TP53AIP1: variants seen among roughly 807,000 people sequenced by gnomAD.
TP53AIP1 encodes the protein tumor protein p53 regulated apoptosis inducing protein 1.
TP53AIP1 carries 14 observed loss-of-function variants against 9.5 expected under a neutral mutation model. The ratio of observed to expected loss-of-function variants is 1.47; its 90% CI spans 0.97 to 2.30. TP53AIP1 has a LOEUF of 2.30. Ranked by LOEUF, TP53AIP1 falls within the 30% of genes most tolerant of loss-of-function variation. The pLI is 0.00. For missense variants in TP53AIP1, 153 were observed against 146.7 expected, an observed-to-expected ratio of 1.04 and a Z score of -0.22; for synonymous variants, 73 against 61.2, an observed-to-expected ratio of 1.19 and a Z score of -0.90.
Position 128,937,535 on chromosome 11 carries a change from G to T in TP53AIP1, c.141+143C>A. The T allele has an allele frequency of 1.2e-5, 19 of 1,613,066 alleles. No homozygotes were observed. The highest frequency in any genetic ancestry group is 1.6e-5 in the Non-Finnish European group (19 of 1,179,496). On this transcript the variant is annotated intron_variant, in intron 2 of 3. Transcript: ENST00000531399. This position sits in a 1 kb window ranked among gnomAD's most constrained non-coding sequence, Gnocchi z 4.8. ...CAATGCTCTGAACTGGGGACAGTCC[G>T]CATGCAGCTCTGAGGACCCAGATGC...
intron 1 of TP53AIP1, 118 bp from the exon 2 acceptor site, chr11:128,938,012 G>T: frequency 1.5e-6 from 1 of 647,918 alleles, no homozygotes; most frequent in Non-Finnish European, 2.6e-6. Flanking sequence ...GGAAGCCGAT[G>T]CACCCAGAGA....
intron 1 of TP53AIP1, among the ~76,000 whole-genome samples, chr11:128,938,728 A>G (rs1211955378): frequency 6.6e-6 from 1 of 152,166 alleles, no homozygotes; most frequent in African/African-American, 2.4e-5. Context: ...CGTCCTTGAC[A>G]GCCTATCCAT....
chr11:128,935,204 C>T (rs1337790893), downstream of TP53AIP1, among the ~76,000 whole-genome samples: 2 of 152,260 alleles, frequency 1.3e-5, no homozygotes, highest in Admixed American at 6.5e-5. Flanking sequence ...CAAACCCGCA[C>T]TTCTCAAACC....
intron 1 of TP53AIP1, among the ~76,000 whole-genome samples, chr11:128,940,833 G>A (rs973466169): frequency 3.9e-5 from 6 of 152,200 alleles, no homozygotes; most frequent in African/African-American, 1.2e-4. Context: ...GCCCAGTCTC[G>A]AGGGGCGTTC....
chr11:128,936,896 A>G, intron 2 of TP53AIP1: 1 of 1,292,006 alleles, frequency 7.7e-7, no homozygotes, highest in African/African-American at 1.5e-5. Context: ...CAGCCCAAAG[A>G]ACAGACATAA....
chr11:128,942,608 G>C (rs1351854277), intron 1 of TP53AIP1, among the ~76,000 whole-genome samples, 186 bp downstream of exon 1: 2 of 152,228 alleles, frequency 1.3e-5, no homozygotes, highest in African/African-American at 4.8e-5. Context: ...TCAGGGTTCA[G>C]AACCATTGAG....
At chr11:128,935,104 A>T, downstream of TP53AIP1, 1 of 709,742 alleles carries the variant, frequency 1.4e-6, no homozygotes, top group Non-Finnish European at 2.6e-6. Flanking sequence ...GGAACGTGTC[A>T]GCAGGAATGA....
In TP53AIP1 at chr11:128,937,280, C is replaced by A; in HGVS notation, c.141+398G>T. ...CCGGGGTGGACGCAGAAGAGCAGGCCCGGAGCCCTGCACCCCAGCCTTCCC... is the reference window on the plus strand; with the variant it reads ...CCGGGGTGGACGCAGAAGAGCAGGCACGGAGCCCTGCACCCCAGCCTTCCC... On this transcript the variant is annotated intron_variant, in intron 2 of 3. Transcript: ENST00000531399. This position sits in a 1 kb window ranked among gnomAD's most constrained non-coding sequence, Gnocchi z 4.8. 7.5e-7 allele frequency: 1 copy of A among 1,336,282 alleles called. No homozygotes were observed. Among genetic ancestry groups the A allele is most frequent in the South Asian group, 2.2e-5 (1 of 46,148 alleles). 82.8% of individuals were successfully genotyped at this position (1,336,282 alleles called of 1,614,324 possible). A position where few individuals can be genotyped will look rare whatever the true frequency, so the allele number is the denominator to read the frequency against.
intron 2 of TP53AIP1, chr11:128,936,973 C>A: frequency 4.5e-6 from 5 of 1,117,936 alleles, no homozygotes; most frequent in Non-Finnish European, 5.5e-6. Flanking sequence ...CTGGGCCCTG[C>A]ACCTCAGACG....
intron 1 of TP53AIP1, among the ~76,000 whole-genome samples, chr11:128,941,395 C>G (rs1047923337): frequency 1.3e-5 from 2 of 152,180 alleles, no homozygotes; most frequent in Non-Finnish European, 2.9e-5. Flanking sequence ...CCTCTGGGCC[C>G]CCACACATCT....
chr11:128,939,157 C>T lies in TP53AIP1; in HGVS notation c.-76-1263G>A, dbSNP rs548378884. 6.6e-5 allele frequency among the ~76,000 whole-genome samples: 10 copies of T among 152,322 alleles called. No individual in the cohort carries two copies. The highest frequency in any genetic ancestry group is 1.4e-4 in the African/African-American group (6 of 41,570). ...TTACGAAAATGTAAAAGAACGAACA[C>T]GGCTTCAATACCAGGATTGAGCCCA... On this transcript the variant is annotated intron_variant, in intron 1 of 3. Coordinates refer to ENST00000531399, the MANE Select transcript of TP53AIP1 (RefSeq NM_022112.3). This position sits in a 1 kb window ranked among gnomAD's most constrained non-coding sequence, Gnocchi z 4.1.
chr11:128,937,402 T>C lies in TP53AIP1; in HGVS notation c.141+276A>G. ...CACCACCTTCCTTCCAAAAGCCTTG[T>C]TTCTCAGAAAACCTTTCTGCCTCCT... On this transcript the variant is annotated intron_variant, in intron 2 of 3. Transcript: ENST00000531399. The surrounding 1 kb of genome is among the most constrained non-coding windows in gnomAD (Gnocchi z 4.8). 7.0e-7 allele frequency: 1 copy of C among 1,435,422 alleles called. No homozygotes were observed. The highest frequency in any genetic ancestry group is 9.1e-7 in the Non-Finnish European group (1 of 1,097,290). The allele number at this position is 1,435,422 out of a possible 1,614,324, so 88.9% of individuals were successfully genotyped here. A position where few individuals can be genotyped will look rare whatever the true frequency, so the allele number is the denominator to read the frequency against.
chr11:128,941,890 G>A (rs1469104526), intron 1 of TP53AIP1, among the ~76,000 whole-genome samples: 1 of 152,240 alleles, frequency 6.6e-6, no homozygotes, highest in Non-Finnish European at 1.5e-5. Flanking sequence ...GCAGATCTGG[G>A]TGGAGGAGGG....
At chr11:128,935,248 G>A, downstream of TP53AIP1, 2 of 1,419,010 alleles carry the variant, frequency 1.4e-6, no homozygotes, top group Admixed American at 2.6e-5. Context: ...GTGCCCTCGG[G>A]CGTGCCATAG....
At chr11:128,940,950 C>G (rs755568328) in intron 1 of TP53AIP1, among the ~76,000 whole-genome samples, 16 of 152,184 alleles carry the variant, frequency 1.1e-4, no homozygotes, top group Middle Eastern at 6.8e-3. Context: ...CACCTCCTAC[C>G]CATCCAGAGA....
chr11:128,936,381 A>G (rs1383631660), intron 3 of TP53AIP1, 157 bp downstream of exon 3: 19 of 1,417,330 alleles, frequency 1.3e-5, no homozygotes, highest in Admixed American at 3.2e-5. Flanking sequence ...AGCAGTTTAC[A>G]ACTCTGCCAT....
Position 128,937,265 on chromosome 11 carries a change from C to T in TP53AIP1, c.141+413G>A, listed in dbSNP as rs950052318. ...GGACAAAAGCAGGATCCGGGGTGGACGCAGAAGAGCAGGCCCGGAGCCCTG... is the reference window on the plus strand; with the variant it reads ...GGACAAAAGCAGGATCCGGGGTGGATGCAGAAGAGCAGGCCCGGAGCCCTG... On this transcript the variant is annotated intron_variant, in intron 2 of 3. Coordinates refer to ENST00000531399, the MANE Select transcript of TP53AIP1 (RefSeq NM_022112.3). This position sits in a 1 kb window ranked among gnomAD's most constrained non-coding sequence, Gnocchi z 4.8. 3.8e-5 allele frequency: 50 copies of T among 1,302,938 alleles called. No homozygotes were observed. The highest frequency in any genetic ancestry group is 4.5e-5 in the African/African-American group (3 of 66,540). The allele number at this position is 1,302,938 out of a possible 1,614,324, so 80.7% of individuals were successfully genotyped here.
chr11:128,939,812 C>T lies in TP53AIP1; in HGVS notation c.-76-1918G>A, dbSNP rs909885128. On this transcript the variant is annotated intron_variant, in intron 1 of 3. Transcript: ENST00000531399. This position sits in a 1 kb window ranked among gnomAD's most constrained non-coding sequence, Gnocchi z 4.1. ...TGGCTGCAATGGATGATGTTTCTGACTCATACTCTGGCTTTAAAATCAAAG... is the reference window on the plus strand; with the variant it reads ...TGGCTGCAATGGATGATGTTTCTGATTCATACTCTGGCTTTAAAATCAAAG... Among the ~76,000 whole-genome samples, 5 of 152,240 alleles carry T rather than the reference C, an allele frequency of 3.3e-5. No individual in the cohort carries two copies. Among genetic ancestry groups the T allele is most frequent in the African/African-American group, 1.2e-4 (5 of 41,464 alleles).
intron 3 of TP53AIP1, 150 bp downstream of exon 3, chr11:128,936,388 C>T (rs1443211458): frequency 7.0e-6 from 10 of 1,420,092 alleles, no homozygotes; most frequent in Non-Finnish European, 9.1e-6. Context: ...TACAACTCTG[C>T]CATGATGTCA....
Sources: gnomAD v4.1 joint callset for allele counts (sites outside exome capture counted in the v4.1 genomes callset) on GRCh38, gnomAD v4.1.1 for gene constraint, Gnocchi (gnomAD v3.1) non-coding constraint, MANE v1.5 for transcripts, NCBI Gene and HGNC (gene_info 2026-07-23, HGNC 2026-07-21) for gene names.